Variants in NPAS4 observed in about 807,000 individuals in gnomAD.
NPAS4 encodes the protein neuronal PAS domain protein 4.
NPAS4 carries 10 observed loss-of-function variants against 64.0 expected under a neutral mutation model. That is an observed-to-expected ratio of 0.16 (90% CI 0.10 to 0.26). NPAS4 has a LOEUF of 0.26. Ranked by LOEUF, NPAS4 falls within the 10% of genes least tolerant of loss-of-function variation. NPAS4 has a pLI of 1.00. For missense variants in NPAS4, 886 were observed against 992.6 expected, an observed-to-expected ratio of 0.89 and a Z score of 1.44; for synonymous variants, 441 against 411.7, an observed-to-expected ratio of 1.07 and a Z score of -0.86.
At position 66,424,928 on chromosome 11, in the gene NPAS4, C is replaced by G. The variant is rs138829720; in HGVS notation, c.2038C>G (p.Pro680Ala). ...CCTGTCCCTGTCAGGGGCAGGCCCC[C>G]CTGTGCTCAGCCTGGACCTGAAACC... ...SNLSLSGAGP[P>A]VLSLDLKPWK... The change falls in exon 7 of 8, where the codon CCT becomes GCT. Residue 680 changes from proline (P) to alanine (A), a missense_variant. By Grantham distance (27) the Pro-to-Ala change is conservative (BLOSUM62 -1). Coordinates refer to ENST00000311034, the MANE Select transcript of NPAS4 (RefSeq NM_178864.4). The G allele has an allele frequency of 4.5e-5, 72 of 1,614,090 alleles. No individual in the cohort carries two copies. The highest frequency in any genetic ancestry group is 6.0e-5 in the Non-Finnish European group (71 of 1,180,008).
rs749096392 is a variant in NPAS4 at position 66,424,219 on chromosome 11, C to T, written c.1329C>T (p.Pro443=). Reference sequence around the variant, plus strand: ...CCTTCCTCTTCAGCCTCCATGAGCCCTTCCAGACCCATTTGCCCACCCCAT... The same window carrying T: ...CCTTCCTCTTCAGCCTCCATGAGCCTTTCCAGACCCATTTGCCCACCCCAT... ...GCAFLFSLHE[P]FQTHLPTPSS... Residue 443 remains proline (P), a synonymous_variant, in exon 7 of 8, where the codon CCC becomes CCT. Transcript: ENST00000311034. 6 of 1,614,066 alleles carry T rather than the reference C, an allele frequency of 3.7e-6. No individual in the cohort carries two copies. In the South Asian group the frequency reaches 4.4e-5, roughly 12 times the overall value.
chr11:66,421,311 C>T lies in NPAS4; in HGVS notation c.132C>T (p.Ser44=), dbSNP rs766868543. 1 of 1,614,058 alleles carries T rather than the reference C, an allele frequency of 6.2e-7. No homozygotes were observed. The highest frequency in any genetic ancestry group is 1.3e-5 in the African/African-American group (1 of 75,018). ...KVRLSYLHIM[S]LACIYTRKGV... Reference sequence around the variant, plus strand: ...GGCTGTCCTACCTGCACATCATGAGCCTCGCCTGCATCTACACTCGCAAGG... The same window carrying T: ...GGCTGTCCTACCTGCACATCATGAGTCTCGCCTGCATCTACACTCGCAAGG... Residue 44 remains serine (S), a synonymous_variant, in exon 1 of 8, where the codon AGC becomes AGT. Transcript: ENST00000311034.
upstream of NPAS4, among the ~76,000 whole-genome samples, chr11:66,418,567 T>G (rs1856695373): frequency 6.6e-6 from 1 of 152,090 alleles, no homozygotes; most frequent in Non-Finnish European, 1.5e-5. Context: ...GTGGGCGAAC[T>G]AGGATGAGCC....
chr11:66,426,057 C>G lies in NPAS4; in HGVS notation c.*68C>G. The G allele has an allele frequency of 8.4e-7, 1 of 1,195,844 alleles. No homozygotes were observed. Among genetic ancestry groups the G allele is most frequent in the Non-Finnish European group, 1.3e-6 (1 of 799,962 alleles). 74.1% of individuals were successfully genotyped at this position (1,195,844 alleles called of 1,614,324 possible). A position where few individuals can be genotyped will look rare whatever the true frequency, so the allele number is the denominator to read the frequency against. On this transcript the variant is annotated 3_prime_UTR_variant, in exon 8 of 8. Transcript: ENST00000311034. ...TCAAGACGTGGAGCCGCTCTCCACC[C>G]CCCCGGGACTGTTGGGGGGATTCTG...
Position 66,424,350 on chromosome 11 carries a change from G to T in NPAS4, c.1460G>T (p.Gly487Val). 6.2e-7 allele frequency: 1 copy of T among 1,614,042 alleles called. No homozygotes were observed. Among genetic ancestry groups the T allele is most frequent in the Non-Finnish European group, 8.5e-7 (1 of 1,180,004 alleles). Residue 487 changes from glycine (G) to valine (V), a missense_variant, in exon 7 of 8, where the codon GGC becomes GTC. Transcript: ENST00000311034. ...GATCCACTAACTAGCCCACTGCAAGGCCAGTTGACTGAAACCTCGGTCAGA... is the reference window on the plus strand; with the variant it reads ...GATCCACTAACTAGCCCACTGCAAGTCCAGTTGACTGAAACCTCGGTCAGA... ...FPDPLTSPLQGQLTETSVRSY... is the reference protein window; with the variant it reads ...FPDPLTSPLQVQLTETSVRSY...
intron 1 of NPAS4, 21 bp downstream of exon 1, chr11:66,421,375 G>T: frequency 6.2e-7 from 1 of 1,608,754 alleles, no homozygotes; most frequent in Non-Finnish European, 8.5e-7. Context: ...TGGGGCTACC[G>T]CAGATCCGAG....
At chr11:66,412,260 C>T in the NPAS4 span, among the ~76,000 whole-genome samples, 2 of 152,220 alleles carry the variant, frequency 1.3e-5, no homozygotes, top group African/African-American at 4.8e-5. Flanking sequence ...TGGGCCCGGC[C>T]CGGGACCTCC....
Position 66,422,801 on chromosome 11 carries a change from C to A in NPAS4, c.558C>A (p.Pro186=), listed in dbSNP as rs569596792. Residue 186 remains proline (P), a synonymous_variant, in exon 4 of 8, where the codon CCC becomes CCA. Transcript: ENST00000311034. ...CTGGAGCCTACTGGGCAGGAAATCCCGTGTTCACAGCTTTCTGTGCCCCTC... is the reference window on the plus strand; with the variant it reads ...CTGGAGCCTACTGGGCAGGAAATCCAGTGTTCACAGCTTTCTGTGCCCCTC... ...HPPGAYWAGN[P]VFTAFCAPLE... 6.2e-7 allele frequency: 1 copy of A among 1,614,202 alleles called. No individual in the cohort carries two copies. Among genetic ancestry groups the A allele is most frequent in the African/African-American group, 1.3e-5 (1 of 75,068 alleles).
chr11:66,416,340 T>C (rs1565237895), upstream of NPAS4, among the ~76,000 whole-genome samples: 1 of 152,106 alleles, frequency 6.6e-6, no homozygotes, highest in Non-Finnish European at 1.5e-5. Context: ...GAGCCCCAAG[T>C]GACCCCATTT....
upstream of NPAS4, among the ~76,000 whole-genome samples, chr11:66,418,755 T>C (rs1003727569): frequency 3.3e-5 from 5 of 152,260 alleles, no homozygotes; most frequent in Non-Finnish European, 7.4e-5. Flanking sequence ...TCCATATTCA[T>C]TCACAGAGAA....
At chr11:66,423,473 A>G in intron 5 of NPAS4, 105 bp from the exon 6 acceptor site, 1 of 1,365,082 alleles carries the variant, frequency 7.3e-7, no homozygotes, top group East Asian at 2.3e-5. Flanking sequence ...TAGTCAGAAG[A>G]GAGGATGTCA....
upstream of NPAS4, among the ~76,000 whole-genome samples, chr11:66,420,685 C>T (rs1273564711): frequency 6.6e-6 from 1 of 152,230 alleles, no homozygotes; most frequent in African/African-American, 2.4e-5. Flanking sequence ...GGCTTCAGGC[C>T]GCCCTAAACC....
chr11:66,422,408 T>C, intron 2 of NPAS4, 43 bp from the exon 3 acceptor site: 1 of 1,517,758 alleles, frequency 6.6e-7, no homozygotes, highest in Non-Finnish European at 9.2e-7. Context: ...GATTGGCTCC[T>C]GCTGTTCTCC....
rs770572999 is a variant in NPAS4 at position 66,425,012 on chromosome 11, A to G, written c.2122A>G (p.Thr708Ala). The change falls in exon 7 of 8, where the codon ACG becomes GCG. Residue 708 changes from threonine (T) to alanine (A), a missense_variant. By Grantham distance (58) the Thr-to-Ala change is moderately conservative. Transcript: ENST00000311034. ...CCCTGATAACATGTTCCTGGAAGAG[A>G]CGCCCGTGGAAGACATCTTCATGGA... ...ADPDNMFLEE[T>A]PVEDIFMDLS... 1 of 1,613,900 alleles carries G rather than the reference A, an allele frequency of 6.2e-7. No homozygotes were observed. Among genetic ancestry groups the G allele is most frequent in the Non-Finnish European group, 8.5e-7 (1 of 1,179,938 alleles).
At position 66,422,932 on chromosome 11, in the gene NPAS4, T is replaced by C. The variant is rs376060485; in HGVS notation, c.689T>C (p.Ile230Thr). 1 of 1,604,464 alleles carries C rather than the reference T, an allele frequency of 6.2e-7. No individual in the cohort carries two copies. The highest frequency in any genetic ancestry group is 1.3e-5 in the African/African-American group (1 of 74,966). ...GCTAAAGACCTGGCTCTACTGGACA[T>C]CTCCGAGAGGTAAGCCTGGAGTGTT... ...RHAKDLALLD[I>T]SESVLIYLGF... The change falls in exon 4 of 8, where the codon ATC becomes ACC. Residue 230 changes from isoleucine (I) to threonine (T), a missense_variant. Transcript: ENST00000311034.
upstream of NPAS4, chr11:66,420,973 C>T (rs1856731895): frequency 1.9e-6 from 1 of 539,120 alleles, no homozygotes; most frequent in African/African-American, 1.9e-5. Flanking sequence ...GCCCCCCCGG[C>T]TCTAAAACGA....
intron 4 of NPAS4, 86 bp from the exon 5 acceptor site, chr11:66,423,037 G>T (rs965172482): frequency 6.6e-7 from 1 of 1,520,088 alleles, no homozygotes. Context: ...GGGGTTTAGG[G>T]GGGCAGAGGA....
the NPAS4 span, among the ~76,000 whole-genome samples, chr11:66,412,971 C>T: frequency 6.6e-6 from 1 of 152,244 alleles, no homozygotes; most frequent in Non-Finnish European, 1.5e-5. Context: ...TCCATTCCTT[C>T]CATCTTTTAA....
the NPAS4 span, among the ~76,000 whole-genome samples, chr11:66,414,398 G>A: frequency 6.6e-6 from 1 of 152,044 alleles, no homozygotes; most frequent in South Asian, 2.1e-4. Flanking sequence ...TCTTCTCTCA[G>A]CCCTGCCTTC....
Sources: allele counts gnomAD v4.1 joint callset (sites outside exome capture counted in the v4.1 genomes callset), GRCh38; gene constraint gnomAD v4.1.1; transcripts MANE v1.5; gene names NCBI Gene and HGNC (gene_info 2026-07-23, HGNC 2026-07-21).